Variants in C5 observed in about 807,000 individuals in gnomAD.
C5 encodes C3 and PZP-like alpha-2-macroglobulin domain-containing protein 4.
Under a neutral mutation model 218.8 loss-of-function variants are expected in C5, and 140 were observed. That is an observed-to-expected ratio of 0.64 (90% CI 0.56 to 0.74). C5 has a LOEUF of 0.74. C5 is among the 30% of genes least tolerant of loss of function. The pLI is 0.00. For missense variants in C5, 1,700 were observed against 1,969.6 expected, an observed-to-expected ratio of 0.86 and a Z score of 2.59; for synonymous variants, 614 against 682.3, an observed-to-expected ratio of 0.90 and a Z score of 1.56.
At chr9:120,956,200 A>C (rs2131661740) in intron 39 of C5, among the ~76,000 whole-genome samples, 1 of 152,298 alleles carries the variant, frequency 6.6e-6, no homozygotes, top group South Asian at 2.1e-4. Flanking sequence ...AGGCTGAGGC[A>C]GGAGAATCAC....
Position 120,952,619 on chromosome 9 carries a change from A to G in C5, c.*120T>C. 1.0e-6 allele frequency: 1 copy of G among 989,238 alleles called. No homozygotes were observed. Among genetic ancestry groups the G allele is most frequent in the Non-Finnish European group, 1.5e-6 (1 of 653,168 alleles). The allele number at this position is 989,238 out of a possible 1,614,324, so 61.3% of individuals were successfully genotyped here. On this transcript the variant is annotated 3_prime_UTR_variant, in exon 41 of 41. Transcript: ENST00000223642. ...AAAGCAAGTGCCACTAATTCTAAGT[A>G]AAGTGAGCTTTACAAATAAGACCAG...
At chr9:121,070,271 C>T in the C5 span, among the ~76,000 whole-genome samples, 1 of 151,280 alleles carries the variant, frequency 6.6e-6, no homozygotes, top group Admixed American at 6.6e-5. Flanking sequence ...GCAGGAGAAT[C>T]GCTTGAACCT....
chr9:120,994,434 T>C (rs925480711), intron 22 of C5, among the ~76,000 whole-genome samples: 2 of 151,890 alleles, frequency 1.3e-5, no homozygotes, highest in African/African-American at 4.8e-5. Context: ...AATATAAAAA[T>C]TGGCCAGGCA....
At chr9:121,051,125 T>G (rs1034629744), upstream of C5, among the ~76,000 whole-genome samples, 2 of 98,882 alleles carry the variant, frequency 2.0e-5, no homozygotes, top group African/African-American at 7.5e-5. Flanking sequence ...TCTTTATACT[T>G]TTTTTTTTTT....
the C5 span, among the ~76,000 whole-genome samples, chr9:121,062,906 A>C: frequency 0.016 from 2,452 of 151,964 alleles, 28 homozygotes; most frequent in Middle Eastern, 0.024. Context: ...TTATCTCTTC[A>C]TCTTTGACAC....
chr9:121,042,252 T>C (rs2047587878), intron 3 of C5, among the ~76,000 whole-genome samples: 1 of 152,254 alleles, frequency 6.6e-6, no homozygotes, highest in Non-Finnish European at 1.5e-5. Flanking sequence ...CATACTTTTC[T>C]GTGTTTTACT....
At chr9:121,067,491 G>C in the C5 span, among the ~76,000 whole-genome samples, 1 of 151,886 alleles carries the variant, frequency 6.6e-6, no homozygotes, top group South Asian at 2.1e-4. Flanking sequence ...TTGAACTCGG[G>C]GGGTGGAGAT....
intron 26 of C5, 32 bp from the exon 27 acceptor site, chr9:120,981,971 G>A (rs867542020): frequency 6.9e-7 from 1 of 1,458,586 alleles, no homozygotes; most frequent in African/African-American, 1.4e-5. Context: ...AAAGGGGAGT[G>A]AAATGGTGTC....
At chr9:121,002,306 A>ATGTGTGTGTG (rs1429402871) in intron 20 of C5, among the ~76,000 whole-genome samples, 2 of 82,308 alleles carry the variant, frequency 2.4e-5, no homozygotes, top group Admixed American at 3.0e-4. Flanking sequence ...ATGTATATAT[A>ATGTGTGTGTG]TATGTGTGTG....
In C5 at chr9:120,952,873, C is replaced by T. The variant is rs963102358; in HGVS notation, c.4902-5G>A. Reference sequence around the variant, plus strand: ...GAATCTAAAGGGTAGATGTACCTACCAAGAAACAAAGTGTTTGTGAGGTGG... The same window carrying T: ...GAATCTAAAGGGTAGATGTACCTACTAAGAAACAAAGTGTTTGTGAGGTGG... On this transcript the variant is annotated splice_polypyrimidine_tract_variant and splice_region_variant and intron_variant, in intron 40 of 40. Coordinates refer to ENST00000223642, the MANE Select transcript of C5 (RefSeq NM_001735.3). 3 of 1,613,286 alleles carry T rather than the reference C, an allele frequency of 1.9e-6. No individual in the cohort carries two copies. In the African/African-American group the frequency reaches 4.0e-5, roughly 22 times the overall value.
intron 17 of C5, 55 bp from the exon 18 acceptor site, chr9:121,008,553 G>T: frequency 7.6e-7 from 1 of 1,319,836 alleles, no homozygotes; most frequent in South Asian, 1.2e-5. Context: ...TCTACTTATA[G>T]GTGAATTTTA....
At chr9:121,017,052 AC>A (rs1443149036) in intron 14 of C5, among the ~76,000 whole-genome samples, 2 of 152,198 alleles carry the variant, frequency 1.3e-5, no homozygotes, top group Non-Finnish European at 2.9e-5. Context: ...CTGTGCTGCT[AC>A]TAGCTACTAT....
chr9:121,005,837 T>C, intron 20 of C5, 82 bp downstream of exon 20: 2 of 1,406,024 alleles, frequency 1.4e-6, no homozygotes, highest in Non-Finnish European at 2.0e-6. Context: ...TCTACTTTTT[T>C]GTGTATGGTA....
chr9:121,043,174 A>C lies in C5; in HGVS notation c.259-8T>G. The C allele has an allele frequency of 1.2e-5, 20 of 1,608,128 alleles. No homozygotes were observed. Among genetic ancestry groups the C allele is most frequent in the Non-Finnish European group, 1.7e-5 (20 of 1,175,664 alleles). ...CAATTGTTTTGGTTGTATCTGGAAAAGAAATTGTTGATGGAAAAAGTATAA... is the reference window on the plus strand; with the variant it reads ...CAATTGTTTTGGTTGTATCTGGAAACGAAATTGTTGATGGAAAAAGTATAA... On this transcript the variant is annotated splice_polypyrimidine_tract_variant and splice_region_variant and intron_variant, in intron 2 of 40. Coordinates refer to ENST00000223642, the MANE Select transcript of C5 (RefSeq NM_001735.3).
At chr9:121,035,024 T>G (rs2047511659) in intron 4 of C5, 130 bp from the exon 5 acceptor site, 1 of 598,254 alleles carries the variant, frequency 1.7e-6, no homozygotes, top group Non-Finnish European at 3.0e-6. Context: ...TGTCTTCAAA[T>G]TAAATATGAA....
At chr9:120,965,327 C>G (rs1158933892) in intron 33 of C5, among the ~76,000 whole-genome samples, 1 of 152,008 alleles carries the variant, frequency 6.6e-6, no homozygotes, top group African/African-American at 2.4e-5. Context: ...CGAGACCAGC[C>G]TGGCCAACAT....
At chr9:121,026,425 C>A (rs780791174) in intron 8 of C5, among the ~76,000 whole-genome samples, 10 of 152,160 alleles carry the variant, frequency 6.6e-5, no homozygotes, top group Non-Finnish European at 1.5e-4. Flanking sequence ...ATGATTCAGA[C>A]TCACAAATAG....
intron 20 of C5, among the ~76,000 whole-genome samples, chr9:120,999,204 A>C (rs1278190778): frequency 6.6e-6 from 1 of 152,252 alleles, no homozygotes; most frequent in East Asian, 1.9e-4. Context: ...CAAATAGCTT[A>C]TATTGGGCAA....
chr9:121,067,066 G>A, the C5 span, among the ~76,000 whole-genome samples: 1 of 151,944 alleles, frequency 6.6e-6, no homozygotes, highest in African/African-American at 2.4e-5. Context: ...AGAAATTGGA[G>A]ACCAGCCTGG....
Sources: gnomAD v4.1 joint callset for allele counts (sites outside exome capture counted in the v4.1 genomes callset) on GRCh38, gnomAD v4.1.1 for gene constraint, MANE v1.5 for transcripts, NCBI Gene and HGNC (gene_info 2026-07-23, HGNC 2026-07-21) for gene names.